SAMHD1: variants seen among roughly 807,000 people sequenced by gnomAD.
SAMHD1 encodes the protein SAM and HD domain containing deoxynucleoside triphosphate triphosphohydrolase 1.
Under a neutral mutation model 79.6 loss-of-function variants are expected in SAMHD1, and 54 were observed. The ratio of observed to expected loss-of-function variants is 0.68; its 90% CI spans 0.55 to 0.85. The LOEUF is 0.85. Among genes scored for constraint, SAMHD1 ranks in the 40% least tolerant of loss-of-function variants. The probability of loss-of-function intolerance (pLI) is 0.00; values close to 1 mark genes in which losing one functional copy is unlikely to be tolerated. For missense variants in SAMHD1, 663 were observed against 782.7 expected (o/e 0.85, Z 1.82); for synonymous variants, 260 against 264.1 (o/e 0.98, Z 0.15).
chr20:36,917,268 C>T (rs1416310934), intron 7 of SAMHD1: 2 of 534,952 alleles, frequency 3.7e-6, no homozygotes, highest in South Asian at 2.2e-5. Flanking sequence ...ATTGTTACCA[C>T]ATTTTCTTGT....
At chr20:36,926,439 C>T (rs1051888226) in intron 6 of SAMHD1, among the ~76,000 whole-genome samples, 5 of 151,980 alleles carry the variant, frequency 3.3e-5, no homozygotes, top group African/African-American at 2.4e-5. Context: ...TGAGAATTGA[C>T]TAGGAAAAAG....
At chr20:36,944,805 A>T (rs1211025355) in intron 2 of SAMHD1, among the ~76,000 whole-genome samples, 23 of 152,116 alleles carry the variant, frequency 1.5e-4, no homozygotes, top group Admixed American at 1.4e-3. Context: ...GAGGCAGGAG[A>T]ATCACTTGAA....
At position 36,951,670 on chromosome 20, in the gene SAMHD1, G is replaced by A; in HGVS notation, c.-27C>T. ...GCTACACCTGGCGTCCGGCACAGCA[G>A]TCAAGAACCTCGGCGCCGGACCCGC... On this transcript the variant is annotated 5_prime_UTR_variant, in exon 1 of 16. Transcript: ENST00000646673. 6.2e-7 allele frequency: 1 copy of A among 1,611,938 alleles called. No individual in the cohort carries two copies. Among genetic ancestry groups the A allele is most frequent in the Non-Finnish European group, 8.5e-7 (1 of 1,179,934 alleles).
At chr20:36,900,996 C>T (rs1404904083) in intron 13 of SAMHD1, among the ~76,000 whole-genome samples, 1 of 151,898 alleles carries the variant, frequency 6.6e-6, no homozygotes, top group Admixed American at 6.6e-5. Context: ...ACTATGTACC[C>T]CATGAAAATA....
chr20:36,947,341 G>GTA (rs1423841652), intron 1 of SAMHD1, among the ~76,000 whole-genome samples: 3 of 142,526 alleles, frequency 2.1e-5, no homozygotes, highest in Admixed American at 7.0e-5. Flanking sequence ...GTGTGTGTGT[G>GTA]TGTGTGTGTC....
In SAMHD1 at chr20:36,897,834, G is replaced by A. The variant is rs1183893558; in HGVS notation, c.1734C>T (p.Phe578=). ...YFVQWCADRN[F]TKPQDGDVIA... is the part of the protein sequence containing the mutation. ...ACAGGCCACCTACCTGCGGCTTGGTGAAATTTCTGTCTGCACACCACTGAA... is the reference window on the plus strand; with the variant it reads ...ACAGGCCACCTACCTGCGGCTTGGTAAAATTTCTGTCTGCACACCACTGAA... The change falls in exon 15 of 16, where the codon TTC becomes TTT. Residue 578 remains phenylalanine, a synonymous_variant. Transcript: ENST00000646673. 1.9e-6 allele frequency: 3 copies of A among 1,614,082 alleles called. No homozygotes were observed. Among genetic ancestry groups the A allele is most frequent in the South Asian group, 2.2e-5 (2 of 91,092 alleles).
intron 9 of SAMHD1, among the ~76,000 whole-genome samples, chr20:36,916,078 G>A (rs1241001263): frequency 6.7e-6 from 1 of 148,528 alleles, no homozygotes; most frequent in African/African-American, 2.5e-5. Context: ...GGAGAATGGC[G>A]TGAACCCGGG....
At chr20:36,905,297 G>A in intron 12 of SAMHD1, 67 bp downstream of exon 12, 1 of 1,510,600 alleles carries the variant, frequency 6.6e-7, no homozygotes, top group Non-Finnish European at 9.2e-7. Flanking sequence ...TATCACGATA[G>A]GTTAGTGGTC....
chr20:36,951,630 T>C lies in SAMHD1; in HGVS notation c.14A>G (p.Asp5Gly), dbSNP rs752220797. The C allele has an allele frequency of 6.2e-6, 10 of 1,613,624 alleles. No individual in the cohort carries two copies. Reference sequence around the variant, plus strand: ...GGGACGCTTGGAGGGCTGCTCGGAATCGGCTCGCTGCATGGCTACACCTGG... The same window carrying C: ...GGGACGCTTGGAGGGCTGCTCGGAACCGGCTCGCTGCATGGCTACACCTGG... MQRA[D>G]SEQPSKRPRC... is the part of the protein sequence containing the mutation. Residue 5 changes from aspartate (D) to glycine (G), a missense_variant, in exon 1 of 16, where the codon GAT becomes GGT. Physicochemically the swap from Asp to Gly is moderately conservative, Grantham distance 94. Coordinates refer to ENST00000646673, the MANE Select transcript of SAMHD1 (RefSeq NM_015474.4).
chr20:36,928,407 C>T (rs551423627), intron 5 of SAMHD1, among the ~76,000 whole-genome samples: 1 of 151,612 alleles, frequency 6.6e-6, no homozygotes, highest in South Asian at 2.1e-4. Flanking sequence ...AAAAAAGGGG[C>T]TGGGCGCGGT....
chr20:36,919,180 C>A lies in SAMHD1; in HGVS notation c.852+184G>T, dbSNP rs372194641. Among the ~76,000 whole-genome samples, 7 of 152,208 alleles carry A rather than the reference C, an allele frequency of 4.6e-5. No homozygotes were observed. The South Asian group carries it at 6.2e-4, about 14-fold the overall frequency. On this transcript the variant is annotated intron_variant, in intron 7 of 15. Transcript: ENST00000646673. ...TATATTTTTGGGAAGTAACTTCTAA[C>A]TAATTCAGTTGAGAGGTAGAAAAAA...
chr20:36,931,967 G>C (rs887168839), intron 4 of SAMHD1, among the ~76,000 whole-genome samples: 55 of 151,992 alleles, frequency 3.6e-4, no homozygotes, highest in African/African-American at 1.2e-3. Flanking sequence ...GAGGTACCTA[G>C]AGTAGCCAAA....
chr20:36,934,963 T>C, intron 4 of SAMHD1, 66 bp downstream of exon 4: 1 of 1,543,236 alleles, frequency 6.5e-7, no homozygotes, highest in South Asian at 1.1e-5. Flanking sequence ...TGGCCTAAGA[T>C]AACTATTTCA....
chr20:36,941,938 C>T (rs1409799719), intron 2 of SAMHD1, among the ~76,000 whole-genome samples: 20 of 152,142 alleles, frequency 1.3e-4, no homozygotes. Context: ...CTATCCTCCT[C>T]ATCAGTTTGA....
At chr20:36,949,127 G>A (rs539923758) in intron 1 of SAMHD1, among the ~76,000 whole-genome samples, 14 of 151,636 alleles carry the variant, frequency 9.2e-5, no homozygotes, top group Admixed American at 3.3e-4. Flanking sequence ...AGCCAGGCGT[G>A]GTGGCGTGCA....
At chr20:36,911,156 A>C in intron 11 of SAMHD1, 62 bp downstream of exon 11, 1 of 904,582 alleles carries the variant, frequency 1.1e-6, no homozygotes, top group Non-Finnish European at 1.8e-6. Context: ...ACTCATTGGC[A>C]ATTCAGGGAC....
chr20:36,911,130 A>G, intron 11 of SAMHD1, 88 bp downstream of exon 11: 1 of 752,766 alleles, frequency 1.3e-6, no homozygotes. Context: ...AATGAAAAAT[A>G]AAAGAAAGAA....
At chr20:36,949,455 TAAAAAA>T (rs113009599) in intron 1 of SAMHD1, among the ~76,000 whole-genome samples, 15 of 123,500 alleles carry the variant, frequency 1.2e-4, no homozygotes, top group Admixed American at 8.9e-4. Flanking sequence ...TGTCTCTAAT[TAAAAAA>T]AAAAAAAAAA....
intron 5 of SAMHD1, among the ~76,000 whole-genome samples, chr20:36,927,925 C>G (rs2063546205): frequency 6.6e-6 from 1 of 152,190 alleles, no homozygotes; most frequent in African/African-American, 2.4e-5. Context: ...CTCCTGACCT[C>G]AAGTCATCCT....
Sources: gnomAD v4.1 joint callset for allele counts (sites outside exome capture counted in the v4.1 genomes callset) on GRCh38, gnomAD v4.1.1 for gene constraint, MANE v1.5 for transcripts, NCBI Gene and HGNC (gene_info 2026-07-23, HGNC 2026-07-21) for gene names.